RPS6KC1: variants seen among roughly 807,000 people sequenced by gnomAD.
RPS6KC1 encodes the protein inactive ribosomal protein S6 kinase delta-1.
Under a neutral mutation model 103.8 loss-of-function variants are expected in RPS6KC1, and 54 were observed. The observed-to-expected ratio is 0.52, with a 90% CI of 0.42 to 0.65. The LOEUF (loss-of-function observed/expected upper bound fraction) is 0.65. RPS6KC1 is among the 30% of genes least tolerant of loss of function. The pLI, the probability that RPS6KC1 is intolerant of heterozygous loss-of-function variation, is 0.00. For synonymous variants in RPS6KC1, 439 were observed against 438.7 expected, an observed-to-expected ratio of 1.00 and a Z score of -0.01; for missense variants, 1,151 against 1,253.8, an observed-to-expected ratio of 0.92 and a Z score of 1.24.
At chr1:213,733,805 G>C in the RPS6KC1 span, among the ~76,000 whole-genome samples, 3 of 152,204 alleles carry the variant, frequency 2.0e-5, no homozygotes, top group South Asian at 6.2e-4. Flanking sequence ...TTCTTCTAAG[G>C]CTTCTATGAG....
In RPS6KC1 at chr1:213,143,679, T is replaced by A. The variant is rs1034361072; in HGVS notation, c.835+13790T>A. Among the ~76,000 whole-genome samples, 7 of 152,080 alleles carry A rather than the reference T, an allele frequency of 4.6e-5. 1 individual carries two copies. In the Admixed American group the frequency reaches 4.6e-4, roughly 10 times the overall value. On this transcript the variant is annotated intron_variant, in intron 6 of 14. Coordinates refer to ENST00000366960, the MANE Select transcript of RPS6KC1 (RefSeq NM_012424.6). ...TTCATGTTTTGTTTTCGTTTTTAAA[T>A]CTCATTTTATTAGTTTTCTATTGGT... is the stretch of plus-strand genomic sequence containing the variant.
Position 213,240,807 on chromosome 1 carries a change from A to T in RPS6KC1, c.1331A>T (p.Gln444Leu), listed in dbSNP as rs540244780. The change falls in exon 11 of 15, where the codon CAG (glutamine) becomes CTG (leucine). Residue 444 changes from glutamine to leucine, a missense_variant. Gln to Leu is a moderately radical substitution (Grantham distance 113). This residue lies in a region of RPS6KC1 where 959 missense variants were observed against 1,006.3 expected (regional missense o/e 0.95). Coordinates refer to ENST00000366960, the MANE Select transcript of RPS6KC1 (RefSeq NM_012424.6). ...CCTACACTTGCAAAAGTTCACCTGC[A>T]GCAGCCAACTTCTAGTCCTCAGGAC... ...KKPTLAKVHLQQPTSSPQDSS... is the reference protein window; with the variant it reads ...KKPTLAKVHLLQPTSSPQDSS... 32 of 1,613,942 alleles carry T rather than the reference A, an allele frequency of 2.0e-5. No individual in the cohort carries two copies. In the African/African-American group the frequency reaches 3.2e-4, roughly 16 times the overall value.
intron 2 of RPS6KC1, among the ~76,000 whole-genome samples, chr1:213,075,902 G>T (rs2079293672): frequency 6.6e-6 from 1 of 152,088 alleles, no homozygotes; most frequent in Non-Finnish European, 1.5e-5. Context: ...CTCTAAGGTA[G>T]TACTTTTTGT....
chr1:213,623,770 G>C, the RPS6KC1 span, among the ~76,000 whole-genome samples: 1 of 152,198 alleles, frequency 6.6e-6, no homozygotes. Flanking sequence ...TTAATAGGCA[G>C]AGGCAAGGGC....
intron 8 of RPS6KC1, chr1:213,205,124 G>A (rs764280396): frequency 3.4e-6 from 1 of 293,994 alleles, no homozygotes; most frequent in East Asian, 1.7e-4. Context: ...GTAGAATTGT[G>A]TTGTATACCT....
At chr1:213,436,336 C>A in the RPS6KC1 span, among the ~76,000 whole-genome samples, 1 of 152,164 alleles carries the variant, frequency 6.6e-6, no homozygotes, top group Non-Finnish European at 1.5e-5. Flanking sequence ...AAAACATTTT[C>A]ATCCCTATAG....
rs75902447 is a variant in RPS6KC1, at chr1:213,256,753, C to G, written c.2912-4805C>G. 9.2e-3 allele frequency among the ~76,000 whole-genome samples: 1,403 copies of G among 152,204 alleles called. 44 individuals carry two copies. Among genetic ancestry groups the G allele is most frequent in the East Asian group, 0.07 (364 of 5,168 alleles). ...GAGCAGTACATTGGTCATTATTTAC[C>G]TGTTATGGACCCTGGCAGAAGATTA... is the stretch of plus-strand genomic sequence containing the variant. On this transcript the variant is annotated intron_variant, in intron 12 of 14. Transcript: ENST00000366960.
chr1:213,248,222 A>G (rs1247158478), intron 12 of RPS6KC1, among the ~76,000 whole-genome samples: 1 of 152,176 alleles, frequency 6.6e-6, no homozygotes, highest in Non-Finnish European at 1.5e-5. Context: ...AACAGAAAGA[A>G]GGTGGCAGCA....
the RPS6KC1 span, among the ~76,000 whole-genome samples, chr1:213,798,465 G>C: frequency 6.6e-6 from 1 of 152,222 alleles, no homozygotes; most frequent in African/African-American, 2.4e-5. Flanking sequence ...AGCTATAGCA[G>C]GGGCTGGAGG....
intron 8 of RPS6KC1, among the ~76,000 whole-genome samples, chr1:213,194,318 T>C (rs1347100027): frequency 6.6e-6 from 1 of 152,226 alleles, no homozygotes; most frequent in Non-Finnish European, 1.5e-5. Context: ...ATGTTATTGT[T>C]GATAGTTTAG....
the RPS6KC1 span, among the ~76,000 whole-genome samples, chr1:213,363,617 G>T: frequency 2.2e-4 from 20 of 89,724 alleles, 2 homozygotes; most frequent in African/African-American, 6.3e-4. Context: ...TTGCTTGCTT[G>T]CTTGCTTGCT....
intron 6 of RPS6KC1, among the ~76,000 whole-genome samples, chr1:213,139,917 T>G (rs946973733): frequency 6.6e-6 from 1 of 152,140 alleles, no homozygotes; most frequent in Non-Finnish European, 1.5e-5. Context: ...GCATTGAATC[T>G]GTAAATAGCT....
intron 8 of RPS6KC1, among the ~76,000 whole-genome samples, chr1:213,177,042 T>C (rs1302732310): frequency 6.6e-6 from 1 of 152,214 alleles, no homozygotes; most frequent in African/African-American, 2.4e-5. Flanking sequence ...ATTTGAACAT[T>C]ACTTTTTTTG....
At chr1:213,793,327 T>C in the RPS6KC1 span, among the ~76,000 whole-genome samples, 2 of 152,220 alleles carry the variant, frequency 1.3e-5, no homozygotes, top group Non-Finnish European at 2.9e-5. Flanking sequence ...CACCTCAACC[T>C]TGACATTTCT....
chr1:213,567,834 C>G, the RPS6KC1 span, among the ~76,000 whole-genome samples: 1 of 152,212 alleles, frequency 6.6e-6, no homozygotes, highest in Non-Finnish European at 1.5e-5. Flanking sequence ...CTTTTGTTCC[C>G]TTGTCTTGCA....
chr1:213,574,297 A>T, the RPS6KC1 span, among the ~76,000 whole-genome samples: 1 of 152,202 alleles, frequency 6.6e-6, no homozygotes, highest in East Asian at 1.9e-4. Context: ...CCAAACTCTG[A>T]TATCAGTTGG....
At chr1:213,505,626 A>C in the RPS6KC1 span, among the ~76,000 whole-genome samples, 1 of 152,198 alleles carries the variant, frequency 6.6e-6, no homozygotes, top group Non-Finnish European at 1.5e-5. Flanking sequence ...CAGCATGTAC[A>C]CAGCATTTAC....
At chr1:213,387,448 C>T in the RPS6KC1 span, among the ~76,000 whole-genome samples, 1 of 152,188 alleles carries the variant, frequency 6.6e-6, no homozygotes, top group South Asian at 2.1e-4. Context: ...CTGGGGACTC[C>T]ACTTTGCACA....
chr1:213,598,321 G>A, the RPS6KC1 span, among the ~76,000 whole-genome samples: 92 of 152,272 alleles, frequency 6.0e-4, no homozygotes, highest in South Asian at 4.2e-4. Context: ...ATTTCTTTCT[G>A]TGCAAAGTCG....
Sources: gnomAD v4.1 joint callset for allele counts (sites outside exome capture counted in the v4.1 genomes callset) on GRCh38, gnomAD v4.1.1 for gene constraint, gnomAD v4.1.1 regional missense constraint, MANE v1.5 for transcripts, NCBI Gene and HGNC (gene_info 2026-07-23, HGNC 2026-07-21) for gene names.